The following PIK3CB variants were observed in gnomAD, a reference collection of about 807,000 sequenced individuals.
PIK3CB encodes phosphatidylinositol 4,5-bisphosphate 3-kinase catalytic subunit beta isoform.
A neutral mutation model predicts 136.8 loss-of-function variants in PIK3CB; 39 were observed. That is an observed-to-expected ratio of 0.29 (90% CI 0.22 to 0.37). PIK3CB has a LOEUF of 0.37. Ranked by LOEUF, PIK3CB falls within the 10% of genes least tolerant of loss-of-function variation. PIK3CB has a pLI of 1.00. For synonymous variants in PIK3CB, 428 were observed against 436.6 expected, an observed-to-expected ratio of 0.98 and a Z score of 0.25; for missense variants, 868 against 1,275.4, an observed-to-expected ratio of 0.68 and a Z score of 4.87.
intron 5 of PIK3CB, among the ~76,000 whole-genome samples, chr3:138,741,336 T>C (rs2045239320): frequency 6.6e-6 from 1 of 152,186 alleles, no homozygotes; most frequent in Non-Finnish European, 1.5e-5. Context: ...GTCTCTTCAC[T>C]GTAAGATGGG....
At chr3:138,784,151 G>A (rs1431995258) in intron 2 of PIK3CB, among the ~76,000 whole-genome samples, 1 of 152,160 alleles carries the variant, frequency 6.6e-6, no homozygotes, top group Non-Finnish European at 1.5e-5. Flanking sequence ...CAACACTTTG[G>A]AAGACAAGTG....
In PIK3CB at chr3:138,654,767, T is replaced by C. The variant is rs188032238; in HGVS notation, c.*622A>G. ...TATATATGTAGCATATTTATATATA[T>C]TATATTTGCCTCACCAGTAGATTTT... On this transcript the variant is annotated 3_prime_UTR_variant, in exon 24 of 24. Transcript: ENST00000674063. 2.8e-5 allele frequency: 6 copies of C among 212,418 alleles called. No homozygotes were observed. The highest frequency in any genetic ancestry group is 2.3e-4 in the Admixed American group (4 of 17,032). The allele number at this position is 212,418 out of a possible 1,614,324, so 13.2% of individuals were successfully genotyped here.
intron 9 of PIK3CB, among the ~76,000 whole-genome samples, chr3:138,712,978 C>T (rs1480292732): frequency 6.6e-6 from 1 of 151,996 alleles, no homozygotes; most frequent in Non-Finnish European, 1.5e-5. Context: ...TGTCTCTAGG[C>T]ATATAAATAT....
At chr3:138,664,054 C>CA (rs2108418255) in intron 20 of PIK3CB, 25 bp from the exon 21 acceptor site, 1 of 1,606,854 alleles carries the variant, frequency 6.2e-7, no homozygotes, top group Non-Finnish European at 8.5e-7. Context: ...AGAACAGAAG[C>CA]AAAAAAGGTT....
At chr3:138,828,293 C>G (rs189305263) in intron 1 of PIK3CB, among the ~76,000 whole-genome samples, 1 of 148,820 alleles carries the variant, frequency 6.7e-6, no homozygotes, top group East Asian at 2.1e-4. Flanking sequence ...TGACGCCATT[C>G]TCTTGCCTCA....
intron 1 of PIK3CB, among the ~76,000 whole-genome samples, chr3:138,798,676 T>C (rs1182543310): frequency 6.6e-6 from 1 of 152,114 alleles, no homozygotes; most frequent in African/African-American, 2.4e-5. Flanking sequence ...CTACAATACA[T>C]ATAGATTAGT....
At chr3:138,748,208 TCAC>T (rs1188252149) in intron 4 of PIK3CB, among the ~76,000 whole-genome samples, 2 of 148,684 alleles carry the variant, frequency 1.3e-5, no homozygotes, top group Non-Finnish European at 3.0e-5. Flanking sequence ...TCCTTAGACC[TCAC>T]AATTTTATCA....
intron 2 of PIK3CB, among the ~76,000 whole-genome samples, chr3:138,792,328 C>T (rs2046060560): frequency 1.4e-5 from 2 of 147,422 alleles, no homozygotes; most frequent in African/African-American, 2.5e-5. Flanking sequence ...AAGGCATTTA[C>T]ATTGTATTAG....
At chr3:138,668,391 A>C (rs2043458519) in intron 19 of PIK3CB, among the ~76,000 whole-genome samples, 1 of 152,134 alleles carries the variant, frequency 6.6e-6, no homozygotes, top group African/African-American at 2.4e-5. Flanking sequence ...GAGAAGGAAA[A>C]AACATCCTTC....
intron 8 of PIK3CB, among the ~76,000 whole-genome samples, chr3:138,720,546 C>A (rs1199157270): frequency 4.6e-5 from 7 of 152,176 alleles, no homozygotes; most frequent in African/African-American, 1.7e-4. Context: ...CAGACCAGCA[C>A]CATGACTGAC....
chr3:138,705,644 T>C (rs986846285), intron 11 of PIK3CB, among the ~76,000 whole-genome samples: 3 of 152,242 alleles, frequency 2.0e-5, no homozygotes, highest in Non-Finnish European at 4.4e-5. Context: ...ATACTTTAAA[T>C]GTACAGGTAG....
chr3:138,740,711 G>A (rs1259988981), intron 5 of PIK3CB, among the ~76,000 whole-genome samples: 2 of 151,776 alleles, frequency 1.3e-5, no homozygotes, highest in African/African-American at 2.4e-5. Flanking sequence ...GAAGTGTGGT[G>A]GCGCAATCTG....
At chr3:138,770,634 C>A (rs1292292307) in intron 2 of PIK3CB, 1 of 151,218 alleles carries the variant, frequency 6.6e-6, no homozygotes, top group Non-Finnish European at 1.5e-5. Context: ...GGTGTGAACC[C>A]AGAAGGTGGA....
At chr3:138,690,545 A>G (rs879122229) in intron 15 of PIK3CB, among the ~76,000 whole-genome samples, 2 of 152,140 alleles carry the variant, frequency 1.3e-5, no homozygotes, top group Admixed American at 1.3e-4. Context: ...CTGTCATTAT[A>G]GTATACCTTT....
At chr3:138,832,729 T>C (rs2108942728) in intron 1 of PIK3CB, among the ~76,000 whole-genome samples, 1 of 149,770 alleles carries the variant, frequency 6.7e-6, no homozygotes, top group East Asian at 2.0e-4. Flanking sequence ...CTCGGGAGGC[T>C]ATGGCAGGAG....
chr3:138,825,851 C>A, intron 1 of PIK3CB: 1 of 1,345,696 alleles, frequency 7.4e-7, no homozygotes, highest in Non-Finnish European at 1.0e-6. Context: ...TGAAGCTCTT[C>A]CTGCAGACAA....
At chr3:138,720,659 G>A (rs1215177664) in intron 8 of PIK3CB, among the ~76,000 whole-genome samples, 1 of 152,150 alleles carries the variant, frequency 6.6e-6, no homozygotes. Context: ...TTGAGCGCAG[G>A]AGTTCAAGAC....
intron 8 of PIK3CB, among the ~76,000 whole-genome samples, chr3:138,717,269 AAAG>A (rs1490710652): frequency 1.3e-5 from 2 of 151,988 alleles, no homozygotes; most frequent in African/African-American, 4.8e-5. Flanking sequence ...AAAAAAAAAA[AAAG>A]AAGTAGTTTA....
chr3:138,691,067 A>G lies in PIK3CB; in HGVS notation c.1969T>C (p.Ser657Pro). The G allele has an allele frequency of 6.2e-7, 1 of 1,612,502 alleles. No individual in the cohort carries two copies. Among genetic ancestry groups the G allele is most frequent in the Non-Finnish European group, 8.5e-7 (1 of 1,178,510 alleles). ...KYEPFLDCAL[S>P]RFLLERALGN... ...AGTGCTCTTTCTAATAGGAATCTAGAGAGGGCACAATCAAGAAAAGGCTCA... is the reference window on the plus strand; with the variant it reads ...AGTGCTCTTTCTAATAGGAATCTAGGGAGGGCACAATCAAGAAAAGGCTCA... Residue 657 changes from serine to proline, a missense_variant, in exon 15 of 24, where the codon TCT (serine) becomes CCT (proline). Ser to Pro is a moderately conservative substitution (Grantham distance 74). This residue lies in a region of PIK3CB where 612 missense variants were observed against 801.1 expected (regional missense o/e 0.76). Transcript: ENST00000674063.
Sources: allele counts gnomAD v4.1 joint callset (sites outside exome capture counted in the v4.1 genomes callset), GRCh38; gene constraint gnomAD v4.1.1; regional missense constraint gnomAD v4.1.1; transcripts MANE v1.5; gene names NCBI Gene and HGNC (gene_info 2026-07-23, HGNC 2026-07-21).